Variants in GAS7 observed in about 807,000 individuals in gnomAD.
The protein encoded by GAS7 is growth arrest-specific protein 7.
A neutral mutation model predicts 71.1 loss-of-function variants in GAS7; 28 were observed. That is an observed-to-expected ratio of 0.39 (90% CI 0.29 to 0.54). The LOEUF (loss-of-function observed/expected upper bound fraction) is 0.54. Ranked by LOEUF, GAS7 falls within the 20% of genes least tolerant of loss-of-function variation. GAS7 has a pLI of 0.62. For missense variants in GAS7, 436 were observed against 627.8 expected, an observed-to-expected ratio of 0.69 and a Z score of 3.27; for synonymous variants, 258 against 245.8, an observed-to-expected ratio of 1.05 and a Z score of -0.46.
chr17:10,168,568 A>G (rs556832892), intron 1 of GAS7, among the ~76,000 whole-genome samples: 2 of 152,360 alleles, frequency 1.3e-5, no homozygotes, highest in East Asian at 3.9e-4. Context: ...AAACCGCTGT[A>G]GGCCCTAGGA....
At chr17:9,988,849 CTTT>C (rs554594604) in intron 2 of GAS7, among the ~76,000 whole-genome samples, 4 of 131,752 alleles carry the variant, frequency 3.0e-5, no homozygotes, top group Non-Finnish European at 1.6e-5. Context: ...CTGTCATTTC[CTTT>C]TTTTTTTTTT....
intron 2 of GAS7, among the ~76,000 whole-genome samples, chr17:9,989,640 T>G (rs1394224556): frequency 6.6e-6 from 1 of 152,006 alleles, no homozygotes; most frequent in African/African-American, 2.4e-5. Flanking sequence ...TGGTACACAC[T>G]AAGGAGAATA....
At chr17:9,921,776 G>A (rs572765157) in intron 11 of GAS7, among the ~76,000 whole-genome samples, 4 of 152,056 alleles carry the variant, frequency 2.6e-5, no homozygotes, top group African/African-American at 7.2e-5. Context: ...TGGCTAACAC[G>A]GTGAAACCCC....
At chr17:9,980,802 G>A (rs569235411) in intron 3 of GAS7, among the ~76,000 whole-genome samples, 1 of 152,330 alleles carries the variant, frequency 6.6e-6, no homozygotes, top group African/African-American at 2.4e-5. Flanking sequence ...GCATGCGGCT[G>A]AGATCTAAAG....
chr17:10,174,497 C>G (rs957174638), intron 1 of GAS7, among the ~76,000 whole-genome samples: 1 of 152,072 alleles, frequency 6.6e-6, no homozygotes, highest in Non-Finnish European at 1.5e-5. Flanking sequence ...TGGAGACCAT[C>G]CTGGCTAACA....
chr17:10,113,259 T>C (rs558847794), intron 1 of GAS7, among the ~76,000 whole-genome samples: 3 of 152,334 alleles, frequency 2.0e-5, no homozygotes, highest in Admixed American at 1.3e-4. Context: ...AGAACAGTCT[T>C]GTTAGAGGCA....
intron 3 of GAS7, among the ~76,000 whole-genome samples, chr17:9,975,877 G>A (rs2070181672): frequency 6.6e-6 from 1 of 152,182 alleles, no homozygotes; most frequent in Admixed American, 6.5e-5. Context: ...ATCCACTTTG[G>A]GACACACAGT....
At chr17:9,980,227 G>A (rs553073983) in intron 3 of GAS7, among the ~76,000 whole-genome samples, 14 of 152,238 alleles carry the variant, frequency 9.2e-5, no homozygotes, top group African/African-American at 3.4e-4. Flanking sequence ...GCTGGCAACT[G>A]TCATATGCCT....
intron 5 of GAS7, among the ~76,000 whole-genome samples, chr17:9,948,168 A>G (rs2068865653): frequency 6.6e-6 from 1 of 152,206 alleles, no homozygotes; most frequent in Non-Finnish European, 1.5e-5. Context: ...TTATATGTCA[A>G]TTTTGGACTA....
At chr17:10,020,175 C>T (rs1390490737) in intron 1 of GAS7, 8 of 306,212 alleles carry the variant, frequency 2.6e-5, no homozygotes, top group Non-Finnish European at 4.9e-5. Flanking sequence ...GCTAGACTTT[C>T]TCCACGGCCC....
intron 2 of GAS7, among the ~76,000 whole-genome samples, chr17:9,986,141 C>A (rs2070640419): frequency 6.6e-6 from 1 of 152,166 alleles, no homozygotes; most frequent in African/African-American, 2.4e-5. Context: ...ACAGATGGGC[C>A]AACAGAAAGA....
At chr17:9,950,241 C>T (rs2068952395) in intron 5 of GAS7, among the ~76,000 whole-genome samples, 1 of 151,948 alleles carries the variant, frequency 6.6e-6, no homozygotes, top group East Asian at 2.0e-4. Context: ...GGCATGGTGG[C>T]TCACATCTGT....
chr17:10,062,754 C>G (rs1226756074), intron 1 of GAS7, among the ~76,000 whole-genome samples: 1 of 152,252 alleles, frequency 6.6e-6, no homozygotes, highest in Non-Finnish European at 1.5e-5. Flanking sequence ...ATCAGGGCTG[C>G]TCACATCCCT....
intron 1 of GAS7, among the ~76,000 whole-genome samples, chr17:10,117,703 A>C (rs1454425997): frequency 6.6e-6 from 1 of 152,056 alleles, no homozygotes; most frequent in Non-Finnish European, 1.5e-5. Flanking sequence ...ATGTGTTCAG[A>C]CCCTTCCTGT....
At chr17:10,044,494 TAAAATTTTA>T (rs1234137633) in intron 1 of GAS7, among the ~76,000 whole-genome samples, 3 of 152,356 alleles carry the variant, frequency 2.0e-5, no homozygotes, top group East Asian at 3.9e-4. Context: ...TTTGTGTGGG[TAAAATTTTA>T]AAAATTTTAA....
intron 1 of GAS7, among the ~76,000 whole-genome samples, chr17:10,189,053 A>T (rs2074478516): frequency 6.6e-6 from 1 of 152,186 alleles, no homozygotes; most frequent in Non-Finnish European, 1.5e-5. Context: ...AGCACTTTCT[A>T]CATTAAGGAA....
At chr17:10,162,997 G>T (rs2074267539) in intron 1 of GAS7, among the ~76,000 whole-genome samples, 1 of 152,182 alleles carries the variant, frequency 6.6e-6, no homozygotes, top group Non-Finnish European at 1.5e-5. Context: ...GGTAAATTTT[G>T]TTATATGTGA....
chr17:10,006,575 T>A (rs2071542041), intron 2 of GAS7, among the ~76,000 whole-genome samples: 1 of 152,028 alleles, frequency 6.6e-6, no homozygotes, highest in South Asian at 2.1e-4. Context: ...GTGATCCACC[T>A]GCCTCGGCCT....
chr17:10,129,918 A>T (rs951576200), intron 1 of GAS7, among the ~76,000 whole-genome samples: 2 of 152,238 alleles, frequency 1.3e-5, no homozygotes, highest in Admixed American at 6.5e-5. Context: ...TCACGCCTGT[A>T]ATCCCAGCAC....
Sources: allele counts gnomAD v4.1 joint callset (sites outside exome capture counted in the v4.1 genomes callset), GRCh38; gene constraint gnomAD v4.1.1; transcripts MANE v1.5; gene names NCBI Gene and HGNC (gene_info 2026-07-23, HGNC 2026-07-21).